CPXM2: variants seen among roughly 807,000 people sequenced by gnomAD.
CPXM2 encodes inactive carboxypeptidase-like protein X2.
In CPXM2, 66 loss-of-function variants were observed where a neutral mutation model predicts 86.1. The observed-to-expected ratio is 0.77, with a 90% confidence interval of 0.63 to 0.94. The LOEUF (loss-of-function observed/expected upper bound fraction) is 0.94. CPXM2 is among the 40% of genes least tolerant of loss of function. The pLI, the probability that CPXM2 is intolerant of heterozygous loss-of-function variation, is 0.00. For missense variants in CPXM2, 948 were observed against 1,026.3 expected (o/e 0.92, Z 1.04); for synonymous variants, 388 against 400.2 (o/e 0.97, Z 0.36).
At position 123,762,008 on chromosome 10, in the gene CPXM2, C is replaced by T. The variant is rs1212990705; in HGVS notation, c.1641G>A (p.Val547=). 1.2e-6 allele frequency: 2 copies of T among 1,613,768 alleles called. No individual in the cohort carries two copies. Among genetic ancestry groups the T allele is most frequent in the Non-Finnish European group, 1.7e-6 (2 of 1,179,778 alleles). Residue 547 remains valine, a synonymous_variant, in exon 11 of 14, where the codon GTG becomes GTA. Coordinates refer to ENST00000241305, the MANE Select transcript of CPXM2 (RefSeq NM_198148.3). ...CATAGGAGTAGGCCAGCCAGCGGAA[C>T]ACGTGGTCGTCGGGGGTGGGGGTGT... The part of the protein sequence containing the change: ...QEHTPTPDDH[V]FRWLAYSYAS...
intron 2 of CPXM2, among the ~76,000 whole-genome samples, chr10:123,935,999 C>T (rs1945714810): frequency 6.6e-6 from 1 of 151,100 alleles, no homozygotes; most frequent in Non-Finnish European, 1.5e-5. Context: ...CCACCATCAC[C>T]AGCATCCTTA....
intron 2 of CPXM2, among the ~76,000 whole-genome samples, chr10:123,936,542 C>A (rs1420435280): frequency 2.6e-5 from 4 of 152,146 alleles, no homozygotes; most frequent in Non-Finnish European, 5.9e-5. Context: ...TACTTTGAGG[C>A]CCATCTCAGC....
rs769053188 is a variant in CPXM2, at chr10:123,856,988, AC to A, written c.513+5625del. Among the ~76,000 whole-genome samples the A allele has an allele frequency of 9.5e-4, 144 of 152,276 alleles. 1 individual carries two copies. The highest frequency in any genetic ancestry group is 2.1e-3 in the South Asian group (10 of 4,822). Reference sequence around the variant, plus strand: ...CGTAGTTGCTCCCAGAATGGAAGAAACCAGTGACTGTTTCTAAATGAGATCA... The same window carrying A: ...CGTAGTTGCTCCCAGAATGGAAGAAACAGTGACTGTTTCTAAATGAGATCA... On this transcript the variant is annotated intron_variant, in intron 3 of 13. Transcript: ENST00000241305.
chr10:123,773,185 GTTTTTATCTCTCTCAT>G (rs1846692178), intron 7 of CPXM2, among the ~76,000 whole-genome samples: 1 of 151,786 alleles, frequency 6.6e-6, no homozygotes, highest in Non-Finnish European at 1.5e-5. Context: ...CCTGGTTGTG[GTTTTTATCTCTCTCAT>G]TGTGGTCATC....
At chr10:123,840,554 A>C (rs927513868) in intron 4 of CPXM2, among the ~76,000 whole-genome samples, 4 of 152,240 alleles carry the variant, frequency 2.6e-5, no homozygotes, top group Non-Finnish European at 5.9e-5. Flanking sequence ...GCCATTAAAA[A>C]TAATCATTAC....
At chr10:123,771,125 G>T (rs1846619682) in intron 7 of CPXM2, 86 bp from the exon 8 acceptor site, 1 of 1,319,608 alleles carries the variant, frequency 7.6e-7, no homozygotes, top group Non-Finnish European at 1.1e-6. Flanking sequence ...GACACCTCTT[G>T]CTTTCCTCCA....
chr10:123,767,268 T>C, intron 9 of CPXM2, 116 bp from the exon 10 acceptor site: 1 of 909,676 alleles, frequency 1.1e-6, no homozygotes, highest in South Asian at 1.7e-5. Flanking sequence ...AGCCTCTAGA[T>C]GCCCTTTGAC....
chr10:123,864,245 C>G (rs915069453), intron 2 of CPXM2, among the ~76,000 whole-genome samples: 1 of 152,016 alleles, frequency 6.6e-6, no homozygotes, highest in African/African-American at 2.4e-5. Context: ...ACCGAGAGAC[C>G]CCACCCACTG....
chr10:123,897,963 G>C (rs1411215637), intron 2 of CPXM2, among the ~76,000 whole-genome samples: 1 of 152,196 alleles, frequency 6.6e-6, no homozygotes, highest in East Asian at 1.9e-4. Flanking sequence ...AAACAGCAGT[G>C]CCAAATGCAG....
At chr10:123,848,862 G>A (rs1415452233) in intron 3 of CPXM2, among the ~76,000 whole-genome samples, 1 of 152,188 alleles carries the variant, frequency 6.6e-6, no homozygotes, top group African/African-American at 2.4e-5. Context: ...TCTATAAAAT[G>A]AGGATAGAAA....
At chr10:123,831,316 A>T (rs1199627072) in intron 4 of CPXM2, among the ~76,000 whole-genome samples, 1 of 152,154 alleles carries the variant, frequency 6.6e-6, no homozygotes, top group Non-Finnish European at 1.5e-5. Context: ...AAGAACTCAT[A>T]AGAATCCTAA....
rs28697088 is a variant in CPXM2 at position 123,907,374 on chromosome 10, T to G, written n.175-27065A>C. Among the ~76,000 whole-genome samples the G allele has an allele frequency of 2.4e-3, 361 of 152,376 alleles. 2 individuals carry two copies. Among genetic ancestry groups the G allele is most frequent in the Non-Finnish European group, 4.2e-3 (288 of 68,038 alleles). ...TTTACTTTTTCTCACATTTCTGTGC[T>G]TTATGCAATGTTATCCTAAAACTGC... On this transcript the variant is annotated intron_variant and non_coding_transcript_variant, in intron 2 of 19. Transcript: ENST00000368854.
At chr10:123,856,857 G>C (rs1848735387) in intron 3 of CPXM2, among the ~76,000 whole-genome samples, 1 of 152,188 alleles carries the variant, frequency 6.6e-6, no homozygotes, top group Non-Finnish European at 1.5e-5. Context: ...CTCCCAAAGT[G>C]CTGGGGTTAC....
chr10:123,868,130 GC>G, intron 2 of CPXM2, among the ~76,000 whole-genome samples: 1 of 152,176 alleles, frequency 6.6e-6, no homozygotes, highest in South Asian at 2.1e-4. Context: ...ACCTCTGTCA[GC>G]CCCACCCTGG....
intron 6 of CPXM2, among the ~76,000 whole-genome samples, chr10:123,789,925 T>C (rs959343665): frequency 1.3e-5 from 2 of 152,090 alleles, no homozygotes; most frequent in African/African-American, 2.4e-5. Flanking sequence ...GAGACCATCC[T>C]GGCTAACACG....
chr10:123,773,558 A>G lies in CPXM2; in HGVS notation c.979-2519T>C, dbSNP rs139178676. Among the ~76,000 whole-genome samples, 450 of 152,334 alleles carry G rather than the reference A, an allele frequency of 3.0e-3. 1 individual carries two copies. Among genetic ancestry groups the G allele is most frequent in the Middle Eastern group, 0.01 (3 of 294 alleles). On this transcript the variant is annotated intron_variant, in intron 7 of 13. Coordinates refer to ENST00000241305, the MANE Select transcript of CPXM2 (RefSeq NM_198148.3). Reference sequence around the variant, plus strand: ...TGCCTGACCAAATACATGTATCTTAATATCAACTTTTTCTCATAATTTAAT... The same window carrying G: ...TGCCTGACCAAATACATGTATCTTAGTATCAACTTTTTCTCATAATTTAAT...
chr10:123,763,573 G>A (rs1043859856), intron 10 of CPXM2, among the ~76,000 whole-genome samples: 3 of 151,270 alleles, frequency 2.0e-5, no homozygotes, highest in Non-Finnish European at 4.4e-5. Flanking sequence ...GGGGCAGAGG[G>A]GCGCAACTAT....
intron 3 of CPXM2, among the ~76,000 whole-genome samples, chr10:123,850,706 A>T (rs1848581677): frequency 6.6e-6 from 1 of 152,242 alleles, no homozygotes; most frequent in African/African-American, 2.4e-5. Context: ...CTTTAAGTGA[A>T]AAGATGAAAG....
At chr10:123,850,333 C>T (rs182587682) in intron 3 of CPXM2, among the ~76,000 whole-genome samples, 1 of 152,170 alleles carries the variant, frequency 6.6e-6, no homozygotes, top group Non-Finnish European at 1.5e-5. Context: ...ATACAATAGT[C>T]CCCCGTTATC....
Sources: gnomAD v4.1 joint callset for allele counts (sites outside exome capture counted in the v4.1 genomes callset) on GRCh38, gnomAD v4.1.1 for gene constraint, MANE v1.5 for transcripts, NCBI Gene and HGNC (gene_info 2026-07-23, HGNC 2026-07-21) for gene names.